PTPRB: variants seen among roughly 807,000 people sequenced by gnomAD.
PTPRB encodes receptor-type tyrosine-protein phosphatase beta.
In PTPRB, 97 loss-of-function variants were observed where a neutral mutation model predicts 238.1. That is an observed-to-expected ratio of 0.41 (90% CI 0.35 to 0.48). The LOEUF (loss-of-function observed/expected upper bound fraction) is 0.48, where lower values mean the gene tolerates loss of function less well. Ranked by LOEUF, PTPRB falls within the 20% of genes least tolerant of loss-of-function variation. PTPRB has a pLI of 0.30. For synonymous variants in PTPRB, 970 were observed against 995.4 expected, an observed-to-expected ratio of 0.97 and a Z score of 0.48; for missense variants, 2,292 against 2,681.9, an observed-to-expected ratio of 0.85 and a Z score of 3.21.
intron 18 of PTPRB, chr12:70,558,940 A>G (rs1367324363): frequency 3.7e-6 from 1 of 273,656 alleles, no homozygotes; most frequent in East Asian, 7.1e-5. Context: ...TCTACCTGGA[A>G]TATTCTCCAC....
At position 70,635,738 on chromosome 12, in the gene PTPRB, A is replaced by G. The variant is rs747148129; in HGVS notation, c.384T>C (p.His128=). 31 of 1,613,908 alleles carry G rather than the reference A, an allele frequency of 1.9e-5. 1 individual carries two copies. The highest frequency in any genetic ancestry group is 6.7e-5 in the Admixed American group (4 of 59,994). The change falls in exon 2 of 34, where the codon CAT becomes CAC. Residue 128 remains histidine, a synonymous_variant. Coordinates refer to ENST00000334414, the MANE Select transcript of PTPRB (RefSeq NM_001109754.4). ...TGTTGACATCTATTTTCATCCAGCT[A>G]TGGAGGTATTTCCTGGCCTTCTTGA... The part of the protein sequence containing the change: ...VVVKKARKYL[H]SWMKIDVNKE...
chr12:70,561,903 G>A (rs147105610), intron 16 of PTPRB, among the ~76,000 whole-genome samples: 105 of 152,288 alleles, frequency 6.9e-4, no homozygotes, highest in Non-Finnish European at 5.9e-4. Flanking sequence ...CTTGTTCACC[G>A]TCACATTACA....
Position 70,576,445 on chromosome 12 carries a change from T to G in PTPRB, c.2779A>C (p.Thr927Pro). ...CCACTCCTTGTAGTTATGGTCACGG[T>G]GTAGAGGCGGCCTGGGGTGAGGGAG... is the stretch of plus-strand genomic sequence containing the variant. ...FSSLTPGRLY[T>P]VTITTRSGKY... Residue 927 changes from threonine (T) to proline (P), a missense_variant, in exon 11 of 34, where the codon ACC becomes CCC. Physicochemically the swap from Thr to Pro is conservative, Grantham distance 38 (BLOSUM62 -1). This residue lies in a region of PTPRB where 1,205 missense variants were observed against 1,287.8 expected (regional missense o/e 0.94). Coordinates refer to ENST00000334414, the MANE Select transcript of PTPRB (RefSeq NM_001109754.4). 6.2e-7 allele frequency: 1 copy of G among 1,606,942 alleles called. No homozygotes were observed.
chr12:70,559,239 C>A, intron 18 of PTPRB, 104 bp downstream of exon 18: 1 of 1,246,758 alleles, frequency 8.0e-7, no homozygotes, highest in Non-Finnish European at 1.2e-6. Context: ...CAGACCAATC[C>A]CATGTAAAAA....
chr12:70,540,381 TAA>T (rs1158969169), intron 23 of PTPRB: 10 of 214,952 alleles, frequency 4.7e-5, no homozygotes, highest in Non-Finnish European at 9.2e-5. Flanking sequence ...AAAAATTCAC[TAA>T]GAGAAGAAGG....
At chr12:70,575,173 G>C (rs1288432055) in intron 11 of PTPRB, among the ~76,000 whole-genome samples, 1 of 152,142 alleles carries the variant, frequency 6.6e-6, no homozygotes, top group African/African-American at 2.4e-5. Context: ...TGATGGAATG[G>C]ACAGCACTGG....
Position 70,570,908 on chromosome 12 carries a change from G to A in PTPRB, c.3370+118C>T, listed in dbSNP as rs1879957062. 13 of 1,082,272 alleles carry A rather than the reference G, an allele frequency of 1.2e-5. No homozygotes were observed. The South Asian group carries it at 2.1e-4, about 17-fold the overall frequency. The allele number at this position is 1,082,272 out of a possible 1,614,324, so 67.0% of individuals were successfully genotyped here. On this transcript the variant is annotated intron_variant, in intron 13 of 33. Coordinates refer to ENST00000334414, the MANE Select transcript of PTPRB (RefSeq NM_001109754.4). ...TCATTGTCACTATCAACATGACTTT[G>A]TCCCTTCTTGCTGTCTCCCTTTTAT... is the stretch of plus-strand genomic sequence containing the variant.
At chr12:70,557,303 CTTCTA>C (rs1381021361) in intron 18 of PTPRB, among the ~76,000 whole-genome samples, 24 of 148,448 alleles carry the variant, frequency 1.6e-4, no homozygotes, top group African/African-American at 5.9e-4. Flanking sequence ...AAATTATAAA[CTTCTA>C]TTCTATTTAA....
chr12:70,600,916 G>A (rs765462558), intron 4 of PTPRB, among the ~76,000 whole-genome samples: 2 of 151,980 alleles, frequency 1.3e-5, no homozygotes, highest in Non-Finnish European at 2.9e-5. Flanking sequence ...CGCTGAGGCT[G>A]GAGTGCAGTG....
intron 3 of PTPRB, among the ~76,000 whole-genome samples, chr12:70,615,493 C>T (rs1353808794): frequency 6.6e-6 from 1 of 152,290 alleles, no homozygotes; most frequent in Non-Finnish European, 1.5e-5. Flanking sequence ...TTCCCCTCCC[C>T]TACTTTTTAT....
At chr12:70,528,588 T>C (rs888666662) in intron 32 of PTPRB, among the ~76,000 whole-genome samples, 3 of 152,284 alleles carry the variant, frequency 2.0e-5, no homozygotes, top group Middle Eastern at 3.4e-3. Flanking sequence ...ATCCACTCCA[T>C]TGAGCCCAGG....
At chr12:70,615,754 C>T (rs185817700) in intron 3 of PTPRB, among the ~76,000 whole-genome samples, 2 of 152,280 alleles carry the variant, frequency 1.3e-5, no homozygotes, top group East Asian at 1.9e-4. Context: ...AGCTGCTGTA[C>T]GCTATGGATT....
chr12:70,608,192 T>C (rs1432755730), intron 4 of PTPRB, among the ~76,000 whole-genome samples: 1 of 152,190 alleles, frequency 6.6e-6, no homozygotes, highest in East Asian at 1.9e-4. Context: ...TAAATTTGAA[T>C]CTCTGGATGA....
chr12:70,534,023 T>TGAA (rs1313514459), intron 31 of PTPRB, among the ~76,000 whole-genome samples: 3 of 152,138 alleles, frequency 2.0e-5, no homozygotes, highest in Admixed American at 6.5e-5. Flanking sequence ...AAATAAATCT[T>TGAA]GAAGGATAGG....
At chr12:70,620,628 G>C (rs776376317) in intron 3 of PTPRB, among the ~76,000 whole-genome samples, 2 of 152,110 alleles carry the variant, frequency 1.3e-5, no homozygotes, top group African/African-American at 2.4e-5. Context: ...ATGAGGAGGT[G>C]CTCCTCCAAG....
chr12:70,635,668 C>A lies in PTPRB; in HGVS notation c.451+3G>T, dbSNP rs774757166. ...AGGATTTGCTCTGAAAGGAATAGCTCACCTTTTTGTAAACAGAGGCTTTCA... is the reference window on the plus strand; with the variant it reads ...AGGATTTGCTCTGAAAGGAATAGCTAACCTTTTTGTAAACAGAGGCTTTCA... On this transcript the variant is annotated splice_donor_region_variant and intron_variant, in intron 2 of 33. Coordinates refer to ENST00000334414, the MANE Select transcript of PTPRB (RefSeq NM_001109754.4). The A allele has an allele frequency of 5.0e-6, 8 of 1,611,976 alleles. No homozygotes were observed. The highest frequency in any genetic ancestry group is 6.8e-6 in the Non-Finnish European group (8 of 1,178,758).
intron 4 of PTPRB, among the ~76,000 whole-genome samples, chr12:70,598,837 T>C (rs78787677): frequency 0.036 from 5,449 of 152,280 alleles, 178 homozygotes; most frequent in Non-Finnish European, 0.059. Flanking sequence ...ATATGAGATA[T>C]AGAAATAAAT....
chr12:70,524,733 TAA>T (rs1324564645), intron 32 of PTPRB, 142 bp from the exon 33 acceptor site: 10 of 875,352 alleles, frequency 1.1e-5, no homozygotes, highest in African/African-American at 1.7e-5. Flanking sequence ...CTCTGGTAAA[TAA>T]AAGAGTGACT....
At position 70,592,192 on chromosome 12, in the gene PTPRB, A is replaced by G. The variant is rs562049377; in HGVS notation, c.1780+90T>C. 11 of 1,553,940 alleles carry G rather than the reference A, an allele frequency of 7.1e-6. No individual in the cohort carries two copies. In the African/African-American group the frequency reaches 1.5e-4, roughly 21 times the overall value. The stretch of plus-strand genomic sequence containing the variant: ...GCTCCACTTCTCAGATTGGGAAAGG[A>G]GTTTTCCTGCTGACTTATTTTGTCC... On this transcript the variant is annotated intron_variant, in intron 7 of 33. Transcript: ENST00000334414.
Sources: allele counts gnomAD v4.1 joint callset (sites outside exome capture counted in the v4.1 genomes callset), GRCh38; gene constraint gnomAD v4.1.1; regional missense constraint gnomAD v4.1.1; transcripts MANE v1.5; gene names NCBI Gene and HGNC (gene_info 2026-07-23, HGNC 2026-07-21).